GPM6A: variants seen among roughly 807,000 people sequenced by gnomAD.
GPM6A encodes the protein neuronal membrane glycoprotein M6-a.
GPM6A carries 7 observed loss-of-function variants against 32.1 expected under a neutral mutation model. That is an observed-to-expected ratio of 0.22 (90% CI 0.12 to 0.41). The LOEUF is 0.41. Among genes scored for constraint, GPM6A ranks in the 10% least tolerant of loss-of-function variants. GPM6A has a pLI of 1.00. For missense variants in GPM6A, 235 were observed against 347.2 expected, an observed-to-expected ratio of 0.68 and a Z score of 2.57; for synonymous variants, 130 against 123.4, an observed-to-expected ratio of 1.05 and a Z score of -0.35.
At chr4:175,962,118 C>A in intron 1 of GPM6A, 2 of 764,132 alleles carry the variant, frequency 2.6e-6, no homozygotes, top group South Asian at 2.7e-5. Flanking sequence ...TGCTGTGCAC[C>A]ATCCGGACCC....
intron 1 of GPM6A, among the ~76,000 whole-genome samples, chr4:175,772,720 G>A (rs1318095592): frequency 6.6e-6 from 1 of 152,154 alleles, no homozygotes; most frequent in South Asian, 2.1e-4. Flanking sequence ...CATCTTCCTT[G>A]TCTCTATTTA....
chr4:175,904,320 A>G (rs1738058017), intron 1 of GPM6A, among the ~76,000 whole-genome samples: 1 of 152,224 alleles, frequency 6.6e-6, no homozygotes. Context: ...CATTTAAAAT[A>G]TCTGCTTTCA....
intron 2 of GPM6A, among the ~76,000 whole-genome samples, chr4:175,693,960 T>C (rs1744432608): frequency 6.6e-6 from 1 of 152,088 alleles, no homozygotes; most frequent in South Asian, 2.1e-4. Context: ...GATGTGGTTG[T>C]TGAAAGTGTG....
chr4:175,982,697 T>C (rs1416530061), intron 1 of GPM6A, among the ~76,000 whole-genome samples: 3 of 152,194 alleles, frequency 2.0e-5, no homozygotes, highest in Non-Finnish European at 4.4e-5. Context: ...TCCAATTCTG[T>C]TCATTTTTAA....
chr4:175,981,031 G>A (rs1393591498), intron 1 of GPM6A, among the ~76,000 whole-genome samples: 1 of 151,972 alleles, frequency 6.6e-6, no homozygotes, highest in Non-Finnish European at 1.5e-5. Context: ...GGAAATGAAG[G>A]GAATAAAAGA....
chr4:175,957,747 ATAAG>A (rs1276898474), intron 1 of GPM6A, among the ~76,000 whole-genome samples: 2 of 152,242 alleles, frequency 1.3e-5, no homozygotes, highest in Non-Finnish European at 2.9e-5. Context: ...CTCATAAAAA[ATAAG>A]TAAATAAAGA....
chr4:175,854,296 C>T (rs116673472), intron 1 of GPM6A, among the ~76,000 whole-genome samples: 21 of 152,140 alleles, frequency 1.4e-4, no homozygotes, highest in African/African-American at 4.8e-4. Flanking sequence ...TACATGAAGG[C>T]TCGAACTAAA....
At chr4:175,937,823 T>G (rs1490959688) in intron 1 of GPM6A, among the ~76,000 whole-genome samples, 1 of 152,008 alleles carries the variant, frequency 6.6e-6, no homozygotes, top group Non-Finnish European at 1.5e-5. Context: ...AACACAAAGT[T>G]GAGAGCAAAA....
chr4:175,859,704 A>T (rs1051677581), intron 1 of GPM6A, among the ~76,000 whole-genome samples: 8 of 152,102 alleles, frequency 5.3e-5, no homozygotes, highest in African/African-American at 1.9e-4. Flanking sequence ...CCTGACACCA[A>T]GACAGATGTG....
chr4:175,884,371 C>A (rs966210119), intron 1 of GPM6A, among the ~76,000 whole-genome samples: 2 of 152,092 alleles, frequency 1.3e-5, no homozygotes, highest in Non-Finnish European at 2.9e-5. Flanking sequence ...ATTCATGGTT[C>A]TTTCATACAA....
chr4:175,985,495 G>C (rs184548539), intron 1 of GPM6A, among the ~76,000 whole-genome samples: 15 of 152,212 alleles, frequency 9.9e-5, no homozygotes, highest in Non-Finnish European at 2.1e-4. Context: ...ATAGACAAGT[G>C]CATTGTCTTG....
At chr4:175,993,366 T>C (rs1027470387) in intron 1 of GPM6A, among the ~76,000 whole-genome samples, 5 of 152,112 alleles carry the variant, frequency 3.3e-5, no homozygotes, top group African/African-American at 1.2e-4. Flanking sequence ...ACTCACTTCT[T>C]AAAACTCTTT....
intron 1 of GPM6A, among the ~76,000 whole-genome samples, chr4:175,919,506 A>G (rs955260538): frequency 1.9e-4 from 29 of 152,184 alleles, no homozygotes; most frequent in Admixed American, 6.5e-5. Context: ...CTTAATTAAA[A>G]CCATCAGTGA....
chr4:175,952,028 A>G (rs1739832184), intron 1 of GPM6A, among the ~76,000 whole-genome samples: 1 of 152,248 alleles, frequency 6.6e-6, no homozygotes, highest in African/African-American at 2.4e-5. Flanking sequence ...ATGTGAGTCA[A>G]TTCCTTATGA....
intron 2 of GPM6A, among the ~76,000 whole-genome samples, chr4:175,697,534 A>G (rs955485707): frequency 6.6e-6 from 1 of 152,158 alleles, no homozygotes; most frequent in African/African-American, 2.4e-5. Flanking sequence ...CTCCTAATGG[A>G]TAAGAAGTTG....
chr4:175,915,372 T>G (rs1738459620), intron 1 of GPM6A, among the ~76,000 whole-genome samples: 1 of 151,730 alleles, frequency 6.6e-6, no homozygotes, highest in South Asian at 2.1e-4. Flanking sequence ...CTGCAACCTC[T>G]GCCTCCCGTG....
chr4:175,659,152 G>A (rs961946969), intron 3 of GPM6A, among the ~76,000 whole-genome samples: 1 of 151,080 alleles, frequency 6.6e-6, no homozygotes, highest in Non-Finnish European at 1.5e-5. Flanking sequence ...GCATGATCTC[G>A]GCTCACTGCA....
chr4:175,670,287 A>C (rs1203347420), intron 3 of GPM6A, among the ~76,000 whole-genome samples: 1 of 152,182 alleles, frequency 6.6e-6, no homozygotes, highest in Non-Finnish European at 1.5e-5. Context: ...AAATTTCAGA[A>C]GAAGTATAGA....
At chr4:175,882,841 A>G (rs1021950723) in intron 1 of GPM6A, among the ~76,000 whole-genome samples, 1 of 152,132 alleles carries the variant, frequency 6.6e-6, no homozygotes, top group African/African-American at 2.4e-5. Context: ...TTAATCTTCC[A>G]GTGAGAAAAC....
Sources: allele counts gnomAD v4.1 joint callset (sites outside exome capture counted in the v4.1 genomes callset), GRCh38; gene constraint gnomAD v4.1.1; transcripts MANE v1.5; gene names NCBI Gene and HGNC (gene_info 2026-07-23, HGNC 2026-07-21).